Variants in RGS6 observed in about 807,000 individuals in gnomAD.
RGS6 encodes the protein regulator of G-protein signaling 6.
RGS6 carries 30 observed loss-of-function variants against 78.5 expected under a neutral mutation model. The observed-to-expected ratio is 0.38, with a 90% confidence interval of 0.29 to 0.52. The LOEUF (loss-of-function observed/expected upper bound fraction) is 0.52, where lower values mean the gene tolerates loss of function less well. Ranked by LOEUF, RGS6 falls within the 20% of genes least tolerant of loss-of-function variation. The pLI is 0.85. For synonymous variants in RGS6, 206 were observed against 206.0 expected (o/e 1.00, Z 0.00); for missense variants, 495 against 609.7 (o/e 0.81, Z 1.98).
the RGS6 span, among the ~76,000 whole-genome samples, chr14:72,598,120 T>C: frequency 6.6e-6 from 1 of 152,224 alleles, no homozygotes; most frequent in Non-Finnish European, 1.5e-5. Context: ...CTTTTGCCCC[T>C]CAGGGGCATT....
chr14:72,431,352 G>T (rs1474614819), intron 3 of RGS6, among the ~76,000 whole-genome samples: 3 of 151,896 alleles, frequency 2.0e-5, no homozygotes, highest in South Asian at 4.2e-4. Flanking sequence ...AGTTGGTTTG[G>T]CTCTTCATTT....
chr14:72,118,656 A>C (rs1388028817), intron 2 of RGS6, among the ~76,000 whole-genome samples: 1 of 152,212 alleles, frequency 6.6e-6, no homozygotes, highest in Non-Finnish European at 1.5e-5. Flanking sequence ...GGACAGCACT[A>C]TTCCTAAGTC....
chr14:72,067,562 A>G (rs1182305180), intron 2 of RGS6, among the ~76,000 whole-genome samples: 2 of 150,416 alleles, frequency 1.3e-5, no homozygotes, highest in African/African-American at 4.9e-5. Flanking sequence ...AATCACACAC[A>G]CTAATATTTC....
chr14:72,561,019 T>C (rs76459692), intron 17 of RGS6, among the ~76,000 whole-genome samples: 2,355 of 151,784 alleles, frequency 0.016, 47 homozygotes, highest in African/African-American at 0.054. Flanking sequence ...AAAGTCAGGC[T>C]GGCCATGCCT....
At chr14:72,243,363 C>T (rs1012534513) in intron 2 of RGS6, among the ~76,000 whole-genome samples, 10 of 152,074 alleles carry the variant, frequency 6.6e-5, no homozygotes, top group Non-Finnish European at 1.0e-4. Context: ...TGACTTTTGT[C>T]GCCACCCTTG....
chr14:72,387,302 C>A (rs2088443116), intron 3 of RGS6, among the ~76,000 whole-genome samples: 1 of 152,166 alleles, frequency 6.6e-6, no homozygotes, highest in Non-Finnish European at 1.5e-5. Context: ...CTAATCCCAG[C>A]ACTTTGGGAG....
intron 3 of RGS6, among the ~76,000 whole-genome samples, chr14:72,352,513 A>G (rs1596151295): frequency 6.6e-6 from 1 of 152,156 alleles, no homozygotes; most frequent in South Asian, 2.1e-4. Flanking sequence ...ATATTAAAGA[A>G]ATTAAACAGG....
At chr14:72,218,610 T>C (rs1035179576) in intron 2 of RGS6, among the ~76,000 whole-genome samples, 3 of 151,898 alleles carry the variant, frequency 2.0e-5, no homozygotes, top group African/African-American at 4.8e-5. Flanking sequence ...AAATACATCT[T>C]ATTTATTTAT....
intron 2 of RGS6, among the ~76,000 whole-genome samples, chr14:72,140,913 T>G (rs1392662612): frequency 2.0e-5 from 3 of 152,242 alleles, no homozygotes; most frequent in Non-Finnish European, 4.4e-5. Flanking sequence ...CCCACTGTGT[T>G]TGATTTGGGA....
At chr14:71,963,075 C>T (rs1030761774) in intron 1 of RGS6, among the ~76,000 whole-genome samples, 4 of 152,090 alleles carry the variant, frequency 2.6e-5, no homozygotes, top group African/African-American at 9.7e-5. Flanking sequence ...CCCTTACCTG[C>T]GGGGAACTTG....
chr14:72,481,810 T>C (rs2153371339), intron 12 of RGS6, among the ~76,000 whole-genome samples: 1 of 148,664 alleles, frequency 6.7e-6, no homozygotes, highest in East Asian at 2.0e-4. Flanking sequence ...TTTAACTTTT[T>C]TTTTTTTTTT....
intron 2 of RGS6, among the ~76,000 whole-genome samples, chr14:72,100,108 GA>G (rs1265911256): frequency 6.6e-6 from 1 of 152,186 alleles, no homozygotes. Context: ...ACGGTGAAGA[GA>G]GGGGTAGGTT....
At chr14:72,500,529 A>G (rs2096710164) in intron 13 of RGS6, among the ~76,000 whole-genome samples, 1 of 152,250 alleles carries the variant, frequency 6.6e-6, no homozygotes, top group South Asian at 2.1e-4. Context: ...GTAGTCAACT[A>G]TGTGCTGTGT....
intron 12 of RGS6, among the ~76,000 whole-genome samples, chr14:72,486,142 G>A (rs1566960836): frequency 6.6e-6 from 1 of 152,108 alleles, no homozygotes; most frequent in Non-Finnish European, 1.5e-5. Context: ...CTGTCACCAT[G>A]TGAAGAAGGA....
chr14:72,362,050 G>C (rs2081559618), intron 3 of RGS6, among the ~76,000 whole-genome samples: 1 of 152,208 alleles, frequency 6.6e-6, no homozygotes, highest in Non-Finnish European at 1.5e-5. Context: ...AAGAGGGCAA[G>C]TGGAAGGGTT....
At chr14:72,612,697 G>T in the RGS6 span, 9 of 478,288 alleles carry the variant, frequency 1.9e-5, no homozygotes, top group South Asian at 1.4e-4. Context: ...AGCCATAAAA[G>T]CTTTGCATCC....
chr14:72,226,452 G>C (rs538797762), intron 2 of RGS6, among the ~76,000 whole-genome samples: 1 of 152,284 alleles, frequency 6.6e-6, no homozygotes, highest in Non-Finnish European at 1.5e-5. Flanking sequence ...TATATGGATG[G>C]ATCTCTGGGA....
At chr14:71,908,672 GGGATGTACCCTT>G in the RGS6 span, among the ~76,000 whole-genome samples, 1 of 152,126 alleles carries the variant, frequency 6.6e-6, no homozygotes, top group South Asian at 2.1e-4. Flanking sequence ...AAGCTTCCTA[GGGATGTACCCTT>G]GGAGCTGAGT....
intron 2 of RGS6, among the ~76,000 whole-genome samples, chr14:72,237,817 G>A (rs1262618460): frequency 6.6e-6 from 1 of 152,140 alleles, no homozygotes; most frequent in Admixed American, 6.5e-5. Flanking sequence ...CTGGTCAACG[G>A]CAGCATCCAG....
Sources: allele counts gnomAD v4.1 joint callset (sites outside exome capture counted in the v4.1 genomes callset), GRCh38; gene constraint gnomAD v4.1.1; transcripts MANE v1.5; gene names NCBI Gene and HGNC (gene_info 2026-07-23, HGNC 2026-07-21).